The following FCSK variants were observed in gnomAD, a reference collection of about 807,000 sequenced individuals.
FCSK encodes L-fucose kinase.
In FCSK, 123 loss-of-function variants were observed where a neutral mutation model predicts 122.5. The observed-to-expected ratio is 1.00, with a 90% CI of 0.87 to 1.17. The LOEUF (loss-of-function observed/expected upper bound fraction) is 1.17. FCSK is among the 50% of genes most tolerant of loss of function. FCSK has a pLI of 0.00. For synonymous variants in FCSK, 620 were observed against 625.5 expected, an observed-to-expected ratio of 0.99 and a Z score of 0.13; for missense variants, 1,366 against 1,450.4, an observed-to-expected ratio of 0.94 and a Z score of 0.95.
In FCSK at chr16:70,474,945, A is replaced by T; in HGVS notation, c.2311A>T (p.Met771Leu). 1 of 1,611,708 alleles carries T rather than the reference A, an allele frequency of 6.2e-7. No individual in the cohort carries two copies. Among genetic ancestry groups the T allele is most frequent in the Non-Finnish European group, 8.5e-7 (1 of 1,179,358 alleles). The change falls in exon 18 of 24, where the codon ATG becomes TTG. Residue 771 changes from methionine to leucine, a missense_variant. Coordinates refer to ENST00000288078, the MANE Select transcript of FCSK (RefSeq NM_145059.3). ...WLAVGPRQDE[M>L]TVKIVCRCLA... ...GGCGGTGGGGCCTCGGCAGGATGAG[A>T]TGACTGTGAAGATAGTGTGCCGGTG...
At chr16:70,471,818 T>C (rs1169488123) in intron 13 of FCSK, among the ~76,000 whole-genome samples, 2 of 149,712 alleles carry the variant, frequency 1.3e-5, no homozygotes, top group Non-Finnish European at 3.0e-5. Flanking sequence ...TGTTGTTTTT[T>C]TTTTTTTTTT....
In FCSK at chr16:70,470,674, T is replaced by C. The variant is rs536199284; in HGVS notation, c.1068+248T>C. Among the ~76,000 whole-genome samples the C allele has an allele frequency of 2.2e-4, 33 of 152,242 alleles. No individual in the cohort carries two copies. In the South Asian group the frequency reaches 6.6e-3, roughly 31 times the overall value. ...TTGAGAAGCTAAAGGAGACCTTTAT[T>C]TGGGGTCTGCCTGGGGTGACAGTGG... On this transcript the variant is annotated intron_variant, in intron 11 of 23. Transcript: ENST00000288078.
In FCSK at chr16:70,479,281, G is replaced by A; in HGVS notation, c.3031G>A (p.Val1011Ile). ...CCTGACTGTGCGGCGTATGATGGAT[G>A]TCCTGGCCCCCCACGTGCATGGCCA... ...EPLTVRRMMD[V>I]LAPHVHGQSL... The change falls in exon 23 of 24, where the codon GTC becomes ATC. Residue 1011 changes from valine (V) to isoleucine (I), a missense_variant. Transcript: ENST00000288078. 8 of 1,614,040 alleles carry A rather than the reference G, an allele frequency of 5.0e-6. No individual in the cohort carries two copies. The highest frequency in any genetic ancestry group is 6.8e-6 in the Non-Finnish European group (8 of 1,180,028).
In FCSK at chr16:70,478,475, A is replaced by G. The variant is rs1230473395; in HGVS notation, c.2829+16A>G. 21 of 1,613,668 alleles carry G rather than the reference A, an allele frequency of 1.3e-5. No individual in the cohort carries two copies. The highest frequency in any genetic ancestry group is 1.7e-5 in the Non-Finnish European group (20 of 1,179,902). The stretch of plus-strand genomic sequence containing the variant: ...CCTGCTGCAGGTGAGCTCTGGCCCC[A>G]GCATGAGGGAGGCAGGCAGGGGGCC... On this transcript the variant is annotated intron_variant, in intron 21 of 23. Transcript: ENST00000288078.
Position 70,474,229 on chromosome 16 carries a change from C to A in FCSK, c.1878C>A (p.Ser626Arg). ...CAGAGGGCCGTGGGGGCTTGCGGAG[C>A]GGGCCAGCTGCCAACCCTGAGTGGA... ...CMAEGRGGLR[S>R]GPAANPEWMR... The change falls in exon 16 of 24, where the codon AGC (serine) becomes AGA (arginine). Residue 626 changes from serine (S) to arginine (R), a missense_variant. By Grantham distance (110) the Ser-to-Arg change is moderately radical (BLOSUM62 -1). Coordinates refer to ENST00000288078, the MANE Select transcript of FCSK (RefSeq NM_145059.3). 1.2e-6 allele frequency: 2 copies of A among 1,600,908 alleles called. No homozygotes were observed. Among genetic ancestry groups the A allele is most frequent in the South Asian group, 1.1e-5 (1 of 89,030 alleles).
Position 70,466,125 on chromosome 16 carries a change from C to T in FCSK, c.286-7C>T. On this transcript the variant is annotated splice_polypyrimidine_tract_variant and splice_region_variant and intron_variant, in intron 4 of 23. Coordinates refer to ENST00000288078, the MANE Select transcript of FCSK (RefSeq NM_145059.3). ...TGAGGCTTCCTCACCAGTCCCCCGACTTCCAGGGTCGAGACTTCCCCTTTG... is the reference window on the plus strand; with the variant it reads ...TGAGGCTTCCTCACCAGTCCCCCGATTTCCAGGGTCGAGACTTCCCCTTTG... 1 of 1,613,334 alleles carries T rather than the reference C, an allele frequency of 6.2e-7. No individual in the cohort carries two copies. Among genetic ancestry groups the T allele is most frequent in the Non-Finnish European group, 8.5e-7 (1 of 1,179,432 alleles).
In FCSK at chr16:70,471,061, T is replaced by TGCC; in HGVS notation, c.1160_1162dup (p.Cys387_His388insArg). On this transcript the variant is annotated inframe_insertion, in exon 12 of 24. Coordinates refer to ENST00000288078, the MANE Select transcript of FCSK (RefSeq NM_145059.3). ...GGGTCCTGGGAGCGTCCTGCAGCACTGCCACCTGCAGGTGAGGCCTGAGCG... is the reference window on the plus strand; with the variant it reads ...GGGTCCTGGGAGCGTCCTGCAGCACTGCCGCCACCTGCAGGTGAGGCCTGAGCG... The TGCC allele has an allele frequency of 6.2e-7, 1 of 1,601,182 alleles. No individual in the cohort carries two copies. Among genetic ancestry groups the TGCC allele is most frequent in the Admixed American group, 1.7e-5 (1 of 58,768 alleles).
Position 70,474,633 on chromosome 16 carries a change from G to A in FCSK, c.2094G>A (p.Val698=), listed in dbSNP as rs550656063. The A allele has an allele frequency of 7.5e-6, 12 of 1,593,288 alleles. No individual in the cohort carries two copies. The highest frequency in any genetic ancestry group is 2.7e-5 in the African/African-American group (2 of 74,808). The change falls in exon 17 of 24, where the codon GTG becomes GTA. Residue 698 remains valine (V), a synonymous_variant. Coordinates refer to ENST00000288078, the MANE Select transcript of FCSK (RefSeq NM_145059.3). ...SAQHFVSTEQ[V]ELPGPGQWVV... The stretch of plus-strand genomic sequence containing the variant: ...AGCACTTTGTCTCCACAGAGCAGGT[G>A]GAACTGCCGGGACCTGGGCAGTGGG...
chr16:70,469,928 T>G (rs2048557340), intron 10 of FCSK, among the ~76,000 whole-genome samples: 1 of 151,790 alleles, frequency 6.6e-6, no homozygotes, highest in Non-Finnish European at 1.5e-5. Flanking sequence ...CACTGCAACC[T>G]CTGCGTCTCA....
At position 70,469,292 on chromosome 16, in the gene FCSK, G is replaced by A; in HGVS notation, c.924G>A (p.Trp308Ter). 3 of 1,610,142 alleles carry A rather than the reference G, an allele frequency of 1.9e-6. No homozygotes were observed. Among genetic ancestry groups the A allele is most frequent in the South Asian group, 2.2e-5 (2 of 90,946 alleles). Residue 308 changes from tryptophan (W) to a stop codon, truncating the protein, a stop_gained, in exon 10 of 24, where the codon TGG becomes TGA. Transcript: ENST00000288078. LOFTEE classifies it high-confidence loss of function. Reference sequence around the variant, plus strand: ...TGCAGAGCGCCCGGGCCCAGCTGTGGAGGGAGCTTCGCGATCAGCCCCTTA... The same window carrying A: ...TGCAGAGCGCCCGGGCCCAGCTGTGAAGGGAGCTTCGCGATCAGCCCCTTA... ...GYLQSARAQL[W>*]RELRDQPLTM... is the part of the protein sequence containing the mutation.
chr16:70,465,020 G>C (rs549606268), intron 3 of FCSK, 106 bp from the exon 4 acceptor site: 2 of 1,562,518 alleles, frequency 1.3e-6, no homozygotes, highest in Non-Finnish European at 1.7e-6. Context: ...TTGTCCCTTG[G>C]GTACCTGAGT....
intron 1 of FCSK, among the ~76,000 whole-genome samples, chr16:70,455,595 TAA>T (rs1387849487): frequency 6.6e-5 from 9 of 136,962 alleles, no homozygotes; most frequent in Non-Finnish European, 4.8e-5. Flanking sequence ...AACTATTAAT[TAA>T]AAAAAAAAAA....
At chr16:70,469,821 C>T (rs982877918) in intron 10 of FCSK, among the ~76,000 whole-genome samples, 1 of 151,806 alleles carries the variant, frequency 6.6e-6, no homozygotes, top group South Asian at 2.1e-4. Flanking sequence ...GCATGAGCCA[C>T]CATGCCCGGC....
At chr16:70,472,493 C>G (rs1009994918) in intron 13 of FCSK, 48 bp from the exon 14 acceptor site, 1 of 1,509,832 alleles carries the variant, frequency 6.6e-7, no homozygotes, top group South Asian at 1.2e-5. Context: ...TGTCTCTAAC[C>G]CTTTCCTGTG....
chr16:70,475,189 A>G (rs562328813), intron 18 of FCSK, among the ~76,000 whole-genome samples, 161 bp from the exon 19 acceptor site: 20 of 152,158 alleles, frequency 1.3e-4, no homozygotes, highest in African/African-American at 4.6e-4. Flanking sequence ...CCTGTCTGGG[A>G]GCCCAGAGGC....
At chr16:70,475,824 G>T (rs2048793744) in intron 20 of FCSK, 57 bp downstream of exon 20, 2 of 1,476,062 alleles carry the variant, frequency 1.4e-6, no homozygotes, top group Admixed American at 4.7e-5. Context: ...AGGGCCCGCG[G>T]GGGGAGTGGG....
chr16:70,457,175 C>T (rs375803740), intron 1 of FCSK, among the ~76,000 whole-genome samples: 118 of 152,276 alleles, frequency 7.7e-4, no homozygotes, highest in Middle Eastern at 6.8e-3. Context: ...CTGGCCATGA[C>T]CTGTCACCTG....
At position 70,474,424 on chromosome 16, in the gene FCSK, G is replaced by T. The variant is rs1404089748; in HGVS notation, c.1988+85G>T. On this transcript the variant is annotated intron_variant, in intron 16 of 23. Transcript: ENST00000288078. ...CCTGATGGAGGAAACCCAGAGAGAG[G>T]TGGGGCTCCCTTGGGTACCCCGGGA... 6 of 1,553,024 alleles carry T rather than the reference G, an allele frequency of 3.9e-6. No individual in the cohort carries two copies. In the African/African-American group the frequency reaches 4.1e-5, roughly 11 times the overall value.
intron 20 of FCSK, among the ~76,000 whole-genome samples, chr16:70,477,079 T>C (rs759793273): frequency 1.3e-5 from 2 of 152,244 alleles, no homozygotes; most frequent in African/African-American, 2.4e-5. Flanking sequence ...GGCTGCAAAG[T>C]TCCAGATGGC....
Sources: gnomAD v4.1 joint callset for allele counts (sites outside exome capture counted in the v4.1 genomes callset) on GRCh38, gnomAD v4.1.1 for gene constraint, MANE v1.5 for transcripts, NCBI Gene and HGNC (gene_info 2026-07-23, HGNC 2026-07-21) for gene names.